BTBD9: variants seen among roughly 807,000 people sequenced by gnomAD.
BTBD9 encodes the protein BTB domain containing 9.
A neutral mutation model predicts 64.3 loss-of-function variants in BTBD9; 49 were observed. That is an observed-to-expected ratio of 0.76 (90% confidence interval 0.61 to 0.97). The LOEUF (loss-of-function observed/expected upper bound fraction) is 0.97, where lower values mean the gene tolerates loss of function less well. BTBD9 is among the 50% of genes least tolerant of loss of function. The pLI is 0.00. For synonymous variants in BTBD9, 260 were observed against 274.7 expected (o/e 0.95, Z 0.53); for missense variants, 598 against 762.1 (o/e 0.78, Z 2.53).
At chr6:38,518,952 G>A (rs1056653602) in intron 6 of BTBD9, among the ~76,000 whole-genome samples, 1 of 152,108 alleles carries the variant, frequency 6.6e-6, no homozygotes, top group African/African-American at 2.4e-5. Context: ...AAAAAATAAA[G>A]GAGCACAGGT....
At chr6:38,250,409 G>T (rs1246832524) in intron 9 of BTBD9, among the ~76,000 whole-genome samples, 1 of 152,206 alleles carries the variant, frequency 6.6e-6, no homozygotes, top group Non-Finnish European at 1.5e-5. Context: ...CTGAGCACTT[G>T]TAAGAAAATC....
chr6:38,422,957 C>T (rs1767973346), intron 6 of BTBD9, among the ~76,000 whole-genome samples: 1 of 151,976 alleles, frequency 6.6e-6, no homozygotes. Context: ...GACCTCATCT[C>T]TATTTAAATA....
At chr6:38,622,299 T>C (rs1778013189) in intron 1 of BTBD9, among the ~76,000 whole-genome samples, 1 of 152,204 alleles carries the variant, frequency 6.6e-6, no homozygotes. Context: ...CAATACTATG[T>C]TAGTCCCTGT....
chr6:38,309,886 A>G (rs1762765612), intron 7 of BTBD9, among the ~76,000 whole-genome samples: 1 of 152,070 alleles, frequency 6.6e-6, no homozygotes, highest in Non-Finnish European at 1.5e-5. Context: ...GTGTTTAAAC[A>G]TTAAATGGAG....
chr6:38,288,281 C>T lies in BTBD9; in HGVS notation c.1445G>A (p.Gly482Glu). 1 of 1,613,284 alleles carries T rather than the reference C, an allele frequency of 6.2e-7. No individual in the cohort carries two copies. Among genetic ancestry groups the T allele is most frequent in the Non-Finnish European group, 8.5e-7 (1 of 1,179,420 alleles). ...GGAGGAATCTTCTTACCGTATTGAC[C>T]CAATCATGTACGGTTGTGCCAACTG... ...VVQLAQPYMI[G>E]SIRLLLWDCD... Residue 482 changes from glycine to glutamate, a missense_variant, in exon 8 of 11, where the codon GGG becomes GAG. Coordinates refer to ENST00000481247, the MANE Select transcript of BTBD9 (RefSeq NM_001099272.2).
chr6:38,565,192 T>C (rs1008631795), intron 6 of BTBD9, among the ~76,000 whole-genome samples: 6 of 152,208 alleles, frequency 3.9e-5, no homozygotes, highest in African/African-American at 1.4e-4. Context: ...ATATTCTAAT[T>C]CAACCCCCCT....
chr6:38,298,496 T>C (rs1317279390), intron 7 of BTBD9, among the ~76,000 whole-genome samples: 1 of 152,216 alleles, frequency 6.6e-6, no homozygotes, highest in East Asian at 1.9e-4. Context: ...TGTTTCTATG[T>C]ACTGAAAACA....
chr6:38,487,614 AG>A (rs1771515223), intron 6 of BTBD9, among the ~76,000 whole-genome samples: 4 of 150,538 alleles, frequency 2.7e-5, no homozygotes, highest in Admixed American at 1.3e-4. Context: ...AGAGAGAGAG[AG>A]AGAGAGAGAA....
chr6:38,312,158 G>A (rs1224872429), intron 7 of BTBD9, among the ~76,000 whole-genome samples: 2 of 152,136 alleles, frequency 1.3e-5, no homozygotes, highest in Admixed American at 6.5e-5. Flanking sequence ...ACCATGCCCG[G>A]CCAACCTGAG....
intron 6 of BTBD9, among the ~76,000 whole-genome samples, chr6:38,462,891 T>A (rs1244067871): frequency 6.6e-6 from 1 of 152,172 alleles, no homozygotes; most frequent in Non-Finnish European, 1.5e-5. Flanking sequence ...CTCCACCTCC[T>A]GGACTCACAC....
At chr6:38,569,037 T>A (rs1035103569) in intron 6 of BTBD9, among the ~76,000 whole-genome samples, 4 of 152,154 alleles carry the variant, frequency 2.6e-5, no homozygotes, top group African/African-American at 7.2e-5. Context: ...CAGACAATTT[T>A]GATTAGTGAG....
At chr6:38,452,347 G>A (rs1769593622) in intron 6 of BTBD9, among the ~76,000 whole-genome samples, 1 of 152,068 alleles carries the variant, frequency 6.6e-6, no homozygotes, top group African/African-American at 2.4e-5. Flanking sequence ...ACTATACTAT[G>A]CTGTCTCTTA....
chr6:38,513,438 ACT>A (rs1485621609), intron 6 of BTBD9, among the ~76,000 whole-genome samples: 1 of 150,604 alleles, frequency 6.6e-6, no homozygotes, highest in African/African-American at 2.4e-5. Context: ...ACAGAGTGAG[ACT>A]CTGTCTCAAA....
chr6:38,578,720 G>A (rs1013518535), intron 5 of BTBD9, among the ~76,000 whole-genome samples: 2 of 152,016 alleles, frequency 1.3e-5, no homozygotes, highest in Non-Finnish European at 2.9e-5. Context: ...AATCTTTTTG[G>A]CTTAAGATTC....
At chr6:38,593,688 T>C (rs977716630) in intron 3 of BTBD9, among the ~76,000 whole-genome samples, 3 of 152,186 alleles carry the variant, frequency 2.0e-5, no homozygotes, top group African/African-American at 4.8e-5. Context: ...CCTATTTGAT[T>C]GTCACTACCT....
chr6:38,509,568 T>A (rs1772689538), intron 6 of BTBD9, among the ~76,000 whole-genome samples: 1 of 152,088 alleles, frequency 6.6e-6, no homozygotes, highest in Non-Finnish European at 1.5e-5. Flanking sequence ...AGCACTGAAG[T>A]GGGTTAAAAT....
At chr6:38,383,743 A>G (rs1226073156) in intron 6 of BTBD9, among the ~76,000 whole-genome samples, 4 of 152,378 alleles carry the variant, frequency 2.6e-5, no homozygotes, top group Admixed American at 2.6e-4. Flanking sequence ...GTAACGTTCC[A>G]TCTGTTACAC....
chr6:38,460,073 T>C (rs1397829259), intron 6 of BTBD9, among the ~76,000 whole-genome samples: 1 of 152,216 alleles, frequency 6.6e-6, no homozygotes, highest in Non-Finnish European at 1.5e-5. Flanking sequence ...GGGAAGTCAA[T>C]GCTAATACAA....
intron 1 of BTBD9, among the ~76,000 whole-genome samples, chr6:38,637,178 G>A (rs1434108313): frequency 6.6e-6 from 1 of 152,086 alleles, no homozygotes; most frequent in Admixed American, 6.5e-5. Context: ...TGATTAATTT[G>A]TCACAGCACA....
Sources: gnomAD v4.1 joint callset for allele counts (sites outside exome capture counted in the v4.1 genomes callset) on GRCh38, gnomAD v4.1.1 for gene constraint, MANE v1.5 for transcripts, NCBI Gene and HGNC (gene_info 2026-07-23, HGNC 2026-07-21) for gene names.